KIAA2012: variants seen among roughly 807,000 people sequenced by gnomAD.
KIAA2012 encodes KIAA2012.
Under a neutral mutation model 150.6 loss-of-function variants are expected in KIAA2012, and 125 were observed. The ratio of observed to expected loss-of-function variants is 0.83; its 90% CI spans 0.72 to 0.96. The LOEUF is 0.96. KIAA2012 is among the 40% of genes least tolerant of loss of function. The pLI, the probability that KIAA2012 is intolerant of heterozygous loss-of-function variation, is 0.00. For synonymous variants in KIAA2012, 462 were observed against 504.7 expected (o/e 0.92, Z 1.13); for missense variants, 1,219 against 1,354.9 (o/e 0.90, Z 1.57).
chr2:202,110,191 A>C (rs1341709136), intron 10 of KIAA2012, among the ~76,000 whole-genome samples: 2 of 151,964 alleles, frequency 1.3e-5, no homozygotes, highest in Non-Finnish European at 2.9e-5. Flanking sequence ...ACAGAAGTCA[A>C]CTCCAGCCCA....
intron 13 of KIAA2012, among the ~76,000 whole-genome samples, chr2:202,150,459 T>G (rs1350937597): frequency 6.6e-6 from 1 of 151,772 alleles, no homozygotes; most frequent in African/African-American, 2.4e-5. Flanking sequence ...TTTTTTGTGT[T>G]TTTTTTTGAG....
At chr2:202,194,459 T>G in intron 21 of KIAA2012, 97 bp downstream of exon 21, 6 of 1,303,216 alleles carry the variant, frequency 4.6e-6, no homozygotes, top group Non-Finnish European at 6.3e-6. Context: ...TCCTAGGCCT[T>G]AGTGTGTTAA....
At chr2:202,197,948 T>A (rs1045624273) in intron 22 of KIAA2012, 1 of 129,252 alleles carries the variant, frequency 7.7e-6, no homozygotes, top group Non-Finnish European at 1.6e-5. Flanking sequence ...CTGAGGCGGG[T>A]GGATCACCTG....
Position 202,154,130 on chromosome 2 carries a change from A to C in KIAA2012, c.1909-543A>C, listed in dbSNP as rs559962562. Among the ~76,000 whole-genome samples, 52 of 152,330 alleles carry C rather than the reference A, an allele frequency of 3.4e-4. No individual in the cohort carries two copies. The South Asian group carries it at 8.5e-3, about 25-fold the overall frequency. ...TCATTCTTCTTTCTGTCTCTGCTAC[A>C]TTTGTTCAAATCAGTCTTCCTAACA... On this transcript the variant is annotated intron_variant, in intron 13 of 23. Transcript: ENST00000498697.
chr2:202,173,380 A>G (rs951423633), intron 15 of KIAA2012, among the ~76,000 whole-genome samples: 1 of 152,094 alleles, frequency 6.6e-6, no homozygotes, highest in African/African-American at 2.4e-5. Flanking sequence ...GACCAGCCTG[A>G]CCAACATGGA....
intron 2 of KIAA2012, among the ~76,000 whole-genome samples, chr2:202,087,143 A>C (rs1689591528): frequency 3.9e-5 from 6 of 152,082 alleles, no homozygotes; most frequent in Admixed American, 3.9e-4. Flanking sequence ...TTGCACTACA[A>C]GGACAGGTTG....
intron 19 of KIAA2012, among the ~76,000 whole-genome samples, chr2:202,191,271 C>A (rs142789247): frequency 6.6e-6 from 1 of 151,740 alleles, no homozygotes; most frequent in Admixed American, 6.6e-5. Context: ...AGAGAGACTC[C>A]ATCTAAAAAA....
At chr2:202,100,251 C>A (rs1690006853) in intron 6 of KIAA2012, 56 bp from the exon 7 acceptor site, 52 of 1,501,732 alleles carry the variant, frequency 3.5e-5, no homozygotes, top group Non-Finnish European at 4.7e-5. Context: ...CAAAACTCAA[C>A]TGTTCATCCC....
At position 202,075,165 on chromosome 2, in the gene KIAA2012, G is replaced by A; in HGVS notation, c.359G>A (p.Gly120Glu). ...QDLKEAILAY[G>E]RQQGEQDRAW... is the part of the protein sequence containing the mutation. Reference sequence around the variant, plus strand: ...CTCAAAGAAGCCATCCTGGCATATGGAAGGCAGCAGGTAGGCAGAACGCTC... The same window carrying A: ...CTCAAAGAAGCCATCCTGGCATATGAAAGGCAGCAGGTAGGCAGAACGCTC... Residue 120 changes from glycine to glutamate, a missense_variant, in exon 2 of 24, where the codon GGA becomes GAA. Physicochemically the swap from Gly to Glu is moderately conservative, Grantham distance 98. Coordinates refer to ENST00000498697, the MANE Select transcript of KIAA2012 (RefSeq NM_001277372.4). 5.8e-6 allele frequency: 9 copies of A among 1,544,908 alleles called. No individual in the cohort carries two copies. Among genetic ancestry groups the A allele is most frequent in the Non-Finnish European group, 7.9e-6 (9 of 1,145,290 alleles).
At chr2:202,150,848 C>G (rs1437747570) in intron 13 of KIAA2012, among the ~76,000 whole-genome samples, 2 of 152,198 alleles carry the variant, frequency 1.3e-5, no homozygotes, top group Non-Finnish European at 2.9e-5. Context: ...ATTTTCCTTC[C>G]CTTCCATTTA....
chr2:202,095,572 CAACA>C (rs1463509970), intron 4 of KIAA2012, among the ~76,000 whole-genome samples: 1 of 152,178 alleles, frequency 6.6e-6, no homozygotes, highest in Non-Finnish European at 1.5e-5. Flanking sequence ...GGTCTCCTTT[CAACA>C]ACTAAAGCTT....
intron 15 of KIAA2012, among the ~76,000 whole-genome samples, chr2:202,174,256 C>T (rs944871580): frequency 3.9e-5 from 6 of 152,148 alleles, no homozygotes; most frequent in African/African-American, 1.4e-4. Context: ...TGCGGCACTG[C>T]GCCTGGCCAA....
At chr2:202,172,915 C>T (rs895113792) in intron 15 of KIAA2012, among the ~76,000 whole-genome samples, 1 of 152,204 alleles carries the variant, frequency 6.6e-6, no homozygotes, top group East Asian at 1.9e-4. Flanking sequence ...ACTGCCAGGC[C>T]CTGCTATCTG....
At chr2:202,188,473 G>A (rs1031135254) in intron 18 of KIAA2012, among the ~76,000 whole-genome samples, 1 of 152,088 alleles carries the variant, frequency 6.6e-6, no homozygotes, top group African/African-American at 2.4e-5. Context: ...CTAGAGGCCT[G>A]TGATCACCAA....
chr2:202,158,121 A>G (rs761497421), intron 14 of KIAA2012, among the ~76,000 whole-genome samples: 153 of 152,094 alleles, frequency 1.0e-3, no homozygotes, highest in Non-Finnish European at 1.6e-3. Context: ...CAGCCTCCCA[A>G]GTAGCTGGGA....
intron 15 of KIAA2012, among the ~76,000 whole-genome samples, chr2:202,167,303 A>G (rs545592825): frequency 2.0e-5 from 3 of 152,336 alleles, no homozygotes; most frequent in Non-Finnish European, 4.4e-5. Flanking sequence ...GTGCATCAGA[A>G]TCACCTGTAA....
chr2:202,191,801 CAT>C (rs1425290279), intron 19 of KIAA2012, among the ~76,000 whole-genome samples: 1 of 152,216 alleles, frequency 6.6e-6, no homozygotes, highest in African/African-American at 2.4e-5. Flanking sequence ...ATTAAACTCA[CAT>C]ATGTTACATT....
chr2:202,172,853 C>T (rs1691922060), intron 15 of KIAA2012, among the ~76,000 whole-genome samples: 1 of 152,180 alleles, frequency 6.6e-6, no homozygotes, highest in Non-Finnish European at 1.5e-5. Context: ...GTCTGGGGCT[C>T]CTTGCTCCCC....
intron 14 of KIAA2012, 37 bp from the exon 15 acceptor site, chr2:202,165,247 T>G (rs748185104): frequency 1.3e-6 from 2 of 1,530,946 alleles, no homozygotes; most frequent in African/African-American, 2.8e-5. Flanking sequence ...GCATTTATTA[T>G]GTCTAATGTA....
Sources: allele counts gnomAD v4.1 joint callset (sites outside exome capture counted in the v4.1 genomes callset), GRCh38; gene constraint gnomAD v4.1.1; transcripts MANE v1.5; gene names NCBI Gene and HGNC (gene_info 2026-07-23, HGNC 2026-07-21).